The following RANBP2 variants were observed in gnomAD, a reference collection of about 807,000 sequenced individuals.
The protein encoded by RANBP2 is E3 SUMO-protein ligase RanBP2.
In RANBP2, 57 loss-of-function variants were observed where a neutral mutation model predicts 303.6. That is an observed-to-expected ratio of 0.19 (90% CI 0.15 to 0.23). The LOEUF (loss-of-function observed/expected upper bound fraction) is 0.23. RANBP2 is among the 10% of genes least tolerant of loss of function. The pLI is 1.00. For synonymous variants in RANBP2, 1,167 were observed against 1,301.5 expected (o/e 0.90, Z 2.23); for missense variants, 3,138 against 3,780.8 (o/e 0.83, Z 4.46).
rs1301161655 is a variant in RANBP2, at chr2:108,754,966, A to G, written c.2264A>G (p.Asp755Gly). The change falls in exon 16 of 29, where the codon GAC (aspartate) becomes GGC (glycine). Residue 755 changes from aspartate (D) to glycine (G), a missense_variant. Around this residue, in one of 20 missense-constraint regions of RANBP2, gnomAD observed 194 missense variants for 197.4 expected, o/e 0.98. Coordinates refer to ENST00000283195, the MANE Select transcript of RANBP2 (RefSeq NM_006267.5). The stretch of plus-strand genomic sequence containing the variant: ...AATTCAGTCATGCAGGAACTCGAAG[A>G]CTATAGTGAAGGAGGTCCTCTCTAT... The part of the protein sequence containing the change: ...MLNSVMQELE[D>G]YSEGGPLYKN... The G allele has an allele frequency of 6.8e-6, 11 of 1,611,774 alleles. No homozygotes were observed. Among genetic ancestry groups the G allele is most frequent in the Non-Finnish European group, 9.3e-6 (11 of 1,179,830 alleles).
At chr2:109,617,305 A>G in the RANBP2 span, 1 of 167,096 alleles carries the variant, frequency 6.0e-6, no homozygotes, top group African/African-American at 2.4e-5. Flanking sequence ...TAGAGAAGAG[A>G]TGGGACTATT....
the RANBP2 span, among the ~76,000 whole-genome samples, chr2:108,864,369 T>G: frequency 6.6e-6 from 1 of 152,198 alleles, no homozygotes; most frequent in Non-Finnish European, 1.5e-5. Context: ...GTTTAAAAGG[T>G]AACACATTCA....
At chr2:109,473,896 G>C in the RANBP2 span, among the ~76,000 whole-genome samples, 388 of 152,248 alleles carry the variant, frequency 2.5e-3, no homozygotes, top group African/African-American at 8.9e-3. Flanking sequence ...TGTGCCCCTT[G>C]ATCATCAGCA....
chr2:109,433,148 C>T, the RANBP2 span, among the ~76,000 whole-genome samples: 16 of 152,164 alleles, frequency 1.1e-4, no homozygotes, highest in East Asian at 2.7e-3. Flanking sequence ...AAGGTGTGTG[C>T]GTGTGTGCAT....
At chr2:108,780,022 T>C (rs1282889187) in intron 25 of RANBP2, among the ~76,000 whole-genome samples, 1 of 152,162 alleles carries the variant, frequency 6.6e-6, no homozygotes, top group Non-Finnish European at 1.5e-5. Context: ...ATTTTAGAAG[T>C]AGGTAAAAAG....
chr2:109,427,577 G>A, the RANBP2 span, among the ~76,000 whole-genome samples: 1 of 152,156 alleles, frequency 6.6e-6, no homozygotes, highest in East Asian at 1.9e-4. Flanking sequence ...ACTGGCCCAG[G>A]TTCACACTTC....
At chr2:109,419,036 G>T in the RANBP2 span, among the ~76,000 whole-genome samples, 47 of 152,280 alleles carry the variant, frequency 3.1e-4, no homozygotes, top group Admixed American at 1.6e-3. Flanking sequence ...AGCACTTTGG[G>T]GTCTTGGGGG....
chr2:109,513,774 G>A, the RANBP2 span, among the ~76,000 whole-genome samples: 1 of 152,202 alleles, frequency 6.6e-6, no homozygotes, highest in South Asian at 2.1e-4. Context: ...CCCAGAGCCA[G>A]CCTGTGGCTA....
At chr2:109,553,193 C>T in the RANBP2 span, 15 of 1,614,106 alleles carry the variant, frequency 9.3e-6, no homozygotes, top group South Asian at 1.5e-4. Context: ...GAACTCATGT[C>T]TTTTGGCTTC....
At chr2:109,596,522 C>A in the RANBP2 span, among the ~76,000 whole-genome samples, 7 of 151,744 alleles carry the variant, frequency 4.6e-5, no homozygotes, top group African/African-American at 7.3e-5. Context: ...GAGGCTGAGG[C>A]AGGAGAATGG....
the RANBP2 span, among the ~76,000 whole-genome samples, chr2:108,874,834 G>A: frequency 0.02 from 3,025 of 151,998 alleles, 97 homozygotes; most frequent in African/African-American, 0.069. Flanking sequence ...TAAATTCCTA[G>A]TAAGGCCTAT....
intron 1 of RANBP2, among the ~76,000 whole-genome samples, chr2:108,727,643 G>T (rs1324364251): frequency 4.1e-5 from 5 of 122,438 alleles, no homozygotes; most frequent in Admixed American, 3.0e-4. Context: ...TCATTCTGTT[G>T]CCCACGCTGG....
the RANBP2 span, among the ~76,000 whole-genome samples, chr2:108,936,826 G>A: frequency 3.3e-5 from 5 of 152,200 alleles, no homozygotes; most frequent in East Asian, 1.9e-4. Context: ...CTGTTTCACC[G>A]GAGCAGGAGG....
chr2:109,111,673 G>T, the RANBP2 span, among the ~76,000 whole-genome samples: 1 of 148,236 alleles, frequency 6.7e-6, no homozygotes, highest in African/African-American at 2.5e-5. Context: ...GGGTACATGT[G>T]CACAATGTGC....
At chr2:109,388,160 T>C in the RANBP2 span, among the ~76,000 whole-genome samples, 2 of 152,224 alleles carry the variant, frequency 1.3e-5, no homozygotes, top group Non-Finnish European at 2.9e-5. Flanking sequence ...AGGTCACTTA[T>C]GTCCTTTTGG....
chr2:108,786,196 C>G (rs1475508536), downstream of RANBP2, among the ~76,000 whole-genome samples: 1 of 150,896 alleles, frequency 6.6e-6, no homozygotes, highest in Non-Finnish European at 1.5e-5. Flanking sequence ...CCTGTTATAC[C>G]CCATATGGAA....
At chr2:108,904,379 A>G in the RANBP2 span, among the ~76,000 whole-genome samples, 14 of 152,234 alleles carry the variant, frequency 9.2e-5, no homozygotes, top group Non-Finnish European at 1.9e-4. Context: ...AAAATGGTAC[A>G]ATAACTTTAG....
At chr2:109,064,470 AACAAAAAC>A in the RANBP2 span, among the ~76,000 whole-genome samples, 1 of 148,700 alleles carries the variant, frequency 6.7e-6, no homozygotes. Flanking sequence ...AAAAAAAAAA[AACAAAAAC>A]AAACTGGTAA....
chr2:108,812,834 T>A, the RANBP2 span: 1 of 1,613,104 alleles, frequency 6.2e-7, no homozygotes, highest in African/African-American at 1.3e-5. Flanking sequence ...AGTACGAGTT[T>A]ATGACAATAC....
Sources: gnomAD v4.1 joint callset for allele counts (sites outside exome capture counted in the v4.1 genomes callset) on GRCh38, gnomAD v4.1.1 for gene constraint, gnomAD v4.1.1 regional missense constraint, MANE v1.5 for transcripts, NCBI Gene and HGNC (gene_info 2026-07-23, HGNC 2026-07-21) for gene names.